PLEKHA2: variants seen among roughly 807,000 people sequenced by gnomAD.
PLEKHA2 encodes the protein pleckstrin homology domain containing A2.
In PLEKHA2, 28 loss-of-function variants were observed where a neutral mutation model predicts 53.2. The observed-to-expected ratio is 0.53, with a 90% CI of 0.39 to 0.72. The LOEUF (loss-of-function observed/expected upper bound fraction) is 0.72, where lower values mean the gene tolerates loss of function less well. Ranked by LOEUF, PLEKHA2 falls within the 30% of genes least tolerant of loss-of-function variation. The pLI, the probability that PLEKHA2 is intolerant of heterozygous loss-of-function variation, is 0.00. For synonymous variants in PLEKHA2, 193 were observed against 196.4 expected, an observed-to-expected ratio of 0.98 and a Z score of 0.14; for missense variants, 426 against 537.9, an observed-to-expected ratio of 0.79 and a Z score of 2.06.
intron 2 of PLEKHA2, among the ~76,000 whole-genome samples, chr8:38,929,954 CAT>C (rs1323696194): frequency 6.6e-6 from 1 of 152,202 alleles, no homozygotes; most frequent in African/African-American, 2.4e-5. Context: ...GTAGAAGTCA[CAT>C]GGGTAAAAAT....
intron 2 of PLEKHA2, among the ~76,000 whole-genome samples, chr8:38,929,260 G>T (rs1282089109): frequency 1.3e-5 from 2 of 152,198 alleles, no homozygotes; most frequent in African/African-American, 4.8e-5. Flanking sequence ...GAGAAGGTCA[G>T]ATGGCACCAG....
At position 38,970,537 on chromosome 8, in the gene PLEKHA2, C is replaced by A; in HGVS notation, c.*754C>A. ...TTTGAGCGGGCATGGTGGCTCACGC[C>A]TGTAATGCCAGTAGTTTGGGAGGCT... On this transcript the variant is annotated 3_prime_UTR_variant, in exon 12 of 12. Coordinates refer to ENST00000617275, the MANE Select transcript of PLEKHA2 (RefSeq NM_021623.2). 5.9e-6 allele frequency: 1 copy of A among 170,042 alleles called. No individual in the cohort carries two copies. Among genetic ancestry groups the A allele is most frequent in the South Asian group, 1.0e-4 (1 of 9,940 alleles). 10.5% of individuals were successfully genotyped at this position (170,042 alleles called of 1,614,324 possible).
intron 2 of PLEKHA2, among the ~76,000 whole-genome samples, chr8:38,928,377 T>C (rs1834326515): frequency 6.6e-6 from 1 of 151,830 alleles, no homozygotes; most frequent in Admixed American, 6.6e-5. Flanking sequence ...GCCTCCCGGA[T>C]ACCTGGGATT....
At chr8:38,916,924 A>G (rs1042444316) in intron 1 of PLEKHA2, among the ~76,000 whole-genome samples, 1 of 151,944 alleles carries the variant, frequency 6.6e-6, no homozygotes, top group African/African-American at 2.4e-5. Context: ...CCACTTCCTC[A>G]CCAGCATTTG....
intron 9 of PLEKHA2, 137 bp from the exon 10 acceptor site, chr8:38,957,186 C>G (rs1328267540): frequency 1.6e-6 from 1 of 607,002 alleles, no homozygotes; most frequent in Non-Finnish European, 2.9e-6. Flanking sequence ...AAGGCAGGAG[C>G]TGAAGGAAGA....
intron 3 of PLEKHA2, among the ~76,000 whole-genome samples, chr8:38,940,507 G>T (rs1834585848): frequency 6.6e-6 from 1 of 152,092 alleles, no homozygotes; most frequent in African/African-American, 2.4e-5. Context: ...GCAGAGATCA[G>T]GGGCAGAACA....
chr8:38,928,236 CTT>C (rs11414317), intron 2 of PLEKHA2, among the ~76,000 whole-genome samples: 15 of 110,144 alleles, frequency 1.4e-4, no homozygotes, highest in African/African-American at 2.1e-4. Flanking sequence ...CTGACCTGGT[CTT>C]TTTTTTTTTT....
chr8:38,957,531 C>T (rs912085620), intron 10 of PLEKHA2, 145 bp downstream of exon 10: 3 of 653,642 alleles, frequency 4.6e-6, no homozygotes, highest in Non-Finnish European at 7.8e-6. Flanking sequence ...AGTCTGAGTC[C>T]CATTTCATCC....
chr8:38,912,503 G>C (rs750087484), intron 1 of PLEKHA2, among the ~76,000 whole-genome samples: 3 of 152,158 alleles, frequency 2.0e-5, no homozygotes, highest in Non-Finnish European at 2.9e-5. Context: ...CTGGCTCATT[G>C]CTAGAATAGT....
chr8:38,909,774 A>G (rs1833929265), intron 1 of PLEKHA2, among the ~76,000 whole-genome samples: 1 of 152,182 alleles, frequency 6.6e-6, no homozygotes, highest in Admixed American at 6.5e-5. Flanking sequence ...TTTAATTGCC[A>G]TTTAACACAC....
intron 2 of PLEKHA2, among the ~76,000 whole-genome samples, chr8:38,926,382 T>A (rs1173939626): frequency 1.3e-5 from 1 of 74,176 alleles, no homozygotes; most frequent in Non-Finnish European, 2.8e-5. Context: ...TAAAAAGTAC[T>A]TTTTTTTTTT....
intron 7 of PLEKHA2, 54 bp from the exon 8 acceptor site, chr8:38,952,582 C>CATG: frequency 6.4e-7 from 1 of 1,555,004 alleles, no homozygotes; most frequent in Admixed American, 1.8e-5. Flanking sequence ...AGTACACCCT[C>CATG]CACAATGCTG....
Position 38,946,190 on chromosome 8 carries a change from T to C in PLEKHA2, c.314T>C (p.Val105Ala). 6.2e-7 allele frequency: 1 copy of C among 1,606,548 alleles called. No individual in the cohort carries two copies. The highest frequency in any genetic ancestry group is 8.5e-7 in the Non-Finnish European group (1 of 1,176,260). Residue 105 changes from valine (V) to alanine (A), a missense_variant, in exon 5 of 12, where the codon GTT becomes GCT. Transcript: ENST00000617275. ...GATCAGAAAGATATGAAGGACTGGG[T>C]TGAAGCCCTGAACCAAGCCAGCAAG... ...ANDQKDMKDWVEALNQASKIT... is the reference protein window; with the variant it reads ...ANDQKDMKDWAEALNQASKIT...
intron 4 of PLEKHA2, among the ~76,000 whole-genome samples, chr8:38,945,692 C>A (rs1834700932): frequency 6.6e-6 from 1 of 152,224 alleles, no homozygotes; most frequent in African/African-American, 2.4e-5. Flanking sequence ...TATTTCCCAA[C>A]CACAGACAAC....
chr8:38,969,190 C>T (rs1295357876), intron 11 of PLEKHA2, among the ~76,000 whole-genome samples: 1 of 152,156 alleles, frequency 6.6e-6, no homozygotes, highest in African/African-American at 2.4e-5. Context: ...CATGAGCCAC[C>T]ACGCCCGGCC....
intron 1 of PLEKHA2, among the ~76,000 whole-genome samples, chr8:38,914,183 A>G (rs999134015): frequency 1.3e-5 from 2 of 152,124 alleles, no homozygotes; most frequent in Admixed American, 6.5e-5. Flanking sequence ...TGCACTGAGT[A>G]GCTGTGGGAT....
intron 10 of PLEKHA2, among the ~76,000 whole-genome samples, chr8:38,959,499 C>T (rs1564154087): frequency 6.6e-6 from 1 of 152,170 alleles, no homozygotes; most frequent in African/African-American, 2.4e-5. Context: ...AGTTATTTAA[C>T]TTCAGTGCCT....
Position 38,963,918 on chromosome 8 carries a change from C to T in PLEKHA2, c.838-4674C>T, listed in dbSNP as rs570865145. On this transcript the variant is annotated intron_variant, in intron 10 of 11. Coordinates refer to ENST00000617275, the MANE Select transcript of PLEKHA2 (RefSeq NM_021623.2). Reference sequence around the variant, plus strand: ...AGAAATATAACTAGTAAACAATTTCCGTCTTCACTAAATTACTAAATGTTT... The same window carrying T: ...AGAAATATAACTAGTAAACAATTTCTGTCTTCACTAAATTACTAAATGTTT... Among the ~76,000 whole-genome samples, 153 of 152,138 alleles carry T rather than the reference C, an allele frequency of 1.0e-3. 7 individuals carry two copies. Among genetic ancestry groups the T allele is most frequent in the East Asian group, 1.9e-4 (1 of 5,182 alleles).
At chr8:38,919,388 T>C (rs1452218162) in intron 2 of PLEKHA2, among the ~76,000 whole-genome samples, 2 of 152,206 alleles carry the variant, frequency 1.3e-5, no homozygotes, top group Non-Finnish European at 2.9e-5. Context: ...CCCTGAGTGC[T>C]GTTAGCTCTT....
Sources: allele counts gnomAD v4.1 joint callset (sites outside exome capture counted in the v4.1 genomes callset), GRCh38; gene constraint gnomAD v4.1.1; transcripts MANE v1.5; gene names NCBI Gene and HGNC (gene_info 2026-07-23, HGNC 2026-07-21).